Variants in CWC27 observed in about 807,000 individuals in gnomAD.
CWC27 encodes the protein CWC27 spliceosome associated cyclophilin.
A neutral mutation model predicts 63.6 loss-of-function variants in CWC27; 47 were observed. That is an observed-to-expected ratio of 0.74 (90% CI 0.58 to 0.94). The LOEUF (loss-of-function observed/expected upper bound fraction) is 0.94. CWC27 is among the 40% of genes least tolerant of loss of function. The pLI, the probability that CWC27 is intolerant of heterozygous loss-of-function variation, is 0.00. For missense variants in CWC27, 495 were observed against 554.3 expected (o/e 0.89, Z 1.07); for synonymous variants, 175 against 179.8 (o/e 0.97, Z 0.22).
chr5:64,872,932 G>A (rs187958642), intron 10 of CWC27, among the ~76,000 whole-genome samples: 2 of 151,994 alleles, frequency 1.3e-5, no homozygotes, highest in Non-Finnish European at 2.9e-5. Flanking sequence ...CTTAGTGTAT[G>A]CCTATATTTA....
At position 64,974,647 on chromosome 5, in the gene CWC27, T is replaced by A. The variant is rs1749192404; in HGVS notation, c.1153-2488T>A. On this transcript the variant is annotated intron_variant, in intron 12 of 13. Coordinates refer to ENST00000381070, the MANE Select transcript of CWC27 (RefSeq NM_005869.4). ...GACCATATCATATAGATTAAATAGA[T>A]AGATATGGAGATAAGCATGTGGAGA... is the stretch of plus-strand genomic sequence containing the variant. 2.0e-5 allele frequency among the ~76,000 whole-genome samples: 3 copies of A among 152,064 alleles called. No homozygotes were observed. The South Asian group carries it at 6.2e-4, about 32-fold the overall frequency.
In CWC27 at chr5:64,825,409, A is replaced by G. The variant is rs1460597690; in HGVS notation, c.938+21023A>G. ...ACGTGGTAAGCAGGGAGAGGTTGGA[A>G]CTAACAATTTACCAAATTGGCAAGT... On this transcript the variant is annotated intron_variant, in intron 10 of 13. Transcript: ENST00000381070. 2.0e-5 allele frequency among the ~76,000 whole-genome samples: 3 copies of G among 152,196 alleles called. No homozygotes were observed. The East Asian group carries it at 5.8e-4, about 29-fold the overall frequency.
chr5:64,842,526 TCTC>T (rs925259053), intron 10 of CWC27, among the ~76,000 whole-genome samples: 2 of 151,980 alleles, frequency 1.3e-5, no homozygotes, highest in African/African-American at 4.8e-5. Flanking sequence ...ATGGTCTCGA[TCTC>T]CTGACCTCGT....
chr5:64,973,249 G>C (rs903664554), intron 12 of CWC27, among the ~76,000 whole-genome samples: 8 of 152,204 alleles, frequency 5.3e-5, no homozygotes, highest in African/African-American at 1.9e-4. Flanking sequence ...TTATCCTAAA[G>C]GCCATGGGGA....
At chr5:64,770,522 G>A (rs866636473) in intron 1 of CWC27, among the ~76,000 whole-genome samples, 1 of 152,148 alleles carries the variant, frequency 6.6e-6, no homozygotes, top group South Asian at 2.1e-4. Context: ...CTATGAAATA[G>A]CAAACTTCAA....
At chr5:64,806,814 C>A (rs530681439) in intron 10 of CWC27, among the ~76,000 whole-genome samples, 1 of 151,986 alleles carries the variant, frequency 6.6e-6, no homozygotes, top group Non-Finnish European at 1.5e-5. Flanking sequence ...GGCAACAGAG[C>A]AAGACCCTGT....
rs1450286633 is a variant in CWC27 at position 64,789,004 on chromosome 5, TA to T, written c.656del (p.Asn219IlefsTer7). 6.2e-7 allele frequency: 1 copy of T among 1,605,428 alleles called. No individual in the cohort carries two copies. The highest frequency in any genetic ancestry group is 2.2e-5 in the East Asian group (1 of 44,670). On this transcript the variant is annotated frameshift_variant, in exon 7 of 14. Coordinates refer to ENST00000381070, the MANE Select transcript of CWC27 (RefSeq NM_005869.4). LOFTEE classifies it high-confidence loss of function. Reference protein sequence around the residue: ...GEEAEEEEEEVNRVSQSMKGK... With the variant: ...GEEAEEEEEEXNRVSQSMKGK... The stretch of plus-strand genomic sequence containing the variant: ...GAAGCTGAGGAAGAAGAGGAGGAAG[TA>T]AATCGAGTTAGTCAGGTAATCTCTA...
rs58675990 is a variant in CWC27, at chr5:64,772,624, CAAAAAAAAAAAAAA to C, written c.43-2049_43-2036del. Among the ~76,000 whole-genome samples the C allele has an allele frequency of 3.6e-4, 19 of 52,176 alleles. No individual in the cohort carries two copies. The East Asian group carries it at 6.6e-3, about 18-fold the overall frequency. The allele number at this position is 52,176 out of a possible 152,430, so 34.2% of individuals were successfully genotyped here. ...TCTGGGAGACAGTGAGACTCTGTCT[CAAAAAAAAAAAAAA>C]AAAAAAAAAAAAAAAAAGTCCAGGC... On this transcript the variant is annotated intron_variant, in intron 1 of 13. Transcript: ENST00000381070.
At chr5:64,882,561 A>G (rs1473230680) in intron 10 of CWC27, among the ~76,000 whole-genome samples, 1 of 152,178 alleles carries the variant, frequency 6.6e-6, no homozygotes, top group Non-Finnish European at 1.5e-5. Flanking sequence ...TATATTAAGT[A>G]TGTAAAAATT....
At chr5:64,923,457 C>T (rs1748039094) in intron 11 of CWC27, among the ~76,000 whole-genome samples, 5 of 150,860 alleles carry the variant, frequency 3.3e-5, no homozygotes, top group Admixed American at 2.6e-4. Flanking sequence ...TCAGCAACCT[C>T]ATGTGGGGTT....
intron 7 of CWC27, among the ~76,000 whole-genome samples, chr5:64,794,513 A>G (rs1744190690): frequency 6.6e-6 from 1 of 152,118 alleles, no homozygotes; most frequent in South Asian, 2.1e-4. Flanking sequence ...TTTAGATCAT[A>G]CTTGCAGCAT....
intron 7 of CWC27, among the ~76,000 whole-genome samples, chr5:64,793,962 A>G (rs1016573416): frequency 1.3e-5 from 2 of 152,154 alleles, no homozygotes; most frequent in African/African-American, 4.8e-5. Flanking sequence ...TATTCATGAC[A>G]AGGTGCCTCT....
At chr5:64,840,435 A>C (rs1554071910) in intron 10 of CWC27, among the ~76,000 whole-genome samples, 1 of 118,120 alleles carries the variant, frequency 8.5e-6, no homozygotes, top group Non-Finnish European at 1.7e-5. Context: ...ATATATACTT[A>C]TTAAGGACAT....
chr5:64,970,153 T>C (rs1749091540), intron 11 of CWC27, among the ~76,000 whole-genome samples: 1 of 151,812 alleles, frequency 6.6e-6, no homozygotes, highest in African/African-American at 2.4e-5. Context: ...CTAACTACTG[T>C]AGGATAAGAA....
At chr5:64,911,382 G>C (rs6881626) in intron 11 of CWC27, among the ~76,000 whole-genome samples, 14,330 of 152,230 alleles carry the variant, frequency 0.094, 2,051 homozygotes, top group African/African-American at 0.31. Context: ...AATCATGAAA[G>C]GCTGAGGCAG....
chr5:64,814,146 CTCT>C (rs1744963277), intron 10 of CWC27, among the ~76,000 whole-genome samples: 1 of 151,448 alleles, frequency 6.6e-6, no homozygotes, highest in African/African-American at 2.4e-5. Context: ...CCCAAGACAA[CTCT>C]TCTTCTTCCA....
chr5:64,799,778 T>TTTG (rs1210150049), intron 7 of CWC27, among the ~76,000 whole-genome samples: 1 of 151,982 alleles, frequency 6.6e-6, no homozygotes, highest in Non-Finnish European at 1.5e-5. Flanking sequence ...TATATCTTTT[T>TTTG]TTGTTGTTGT....
chr5:64,871,416 T>G (rs1405092503), intron 10 of CWC27, among the ~76,000 whole-genome samples: 1 of 151,900 alleles, frequency 6.6e-6, no homozygotes, highest in Non-Finnish European at 1.5e-5. Flanking sequence ...TGACTATGAG[T>G]TATGAGCAGA....
At chr5:64,884,488 A>G (rs1200526305) in intron 10 of CWC27, among the ~76,000 whole-genome samples, 1 of 152,214 alleles carries the variant, frequency 6.6e-6, no homozygotes, top group Non-Finnish European at 1.5e-5. Flanking sequence ...AAGAAGCACT[A>G]AAGGTTCAAT....
Sources: gnomAD v4.1 joint callset for allele counts (sites outside exome capture counted in the v4.1 genomes callset) on GRCh38, gnomAD v4.1.1 for gene constraint, MANE v1.5 for transcripts, NCBI Gene and HGNC (gene_info 2026-07-23, HGNC 2026-07-21) for gene names.